FRK: variants seen among roughly 807,000 people sequenced by gnomAD.
FRK encodes tyrosine-protein kinase FRK.
FRK carries 51 observed loss-of-function variants against 56.4 expected under a neutral mutation model. The ratio of observed to expected loss-of-function variants is 0.90; its 90% CI spans 0.72 to 1.14. The LOEUF is 1.14. FRK is among the 50% of genes most tolerant of loss of function. The pLI, the probability that FRK is intolerant of heterozygous loss-of-function variation, is 0.00. For synonymous variants in FRK, 245 were observed against 217.9 expected, an observed-to-expected ratio of 1.12 and a Z score of -1.10; for missense variants, 570 against 601.4, an observed-to-expected ratio of 0.95 and a Z score of 0.55.
chr6:116,033,438 A>C (rs1246631356), intron 1 of FRK, among the ~76,000 whole-genome samples: 1 of 152,136 alleles, frequency 6.6e-6, no homozygotes, highest in South Asian at 2.1e-4. Flanking sequence ...CTATGAGACC[A>C]GTTCTTCAGC....
chr6:115,959,775 C>T (rs1773251050), intron 4 of FRK, among the ~76,000 whole-genome samples: 1 of 152,190 alleles, frequency 6.6e-6, no homozygotes, highest in South Asian at 2.1e-4. Context: ...ATTCCCACTT[C>T]CAGATGAGAA....
intron 1 of FRK, among the ~76,000 whole-genome samples, chr6:116,018,059 G>A (rs1775717356): frequency 6.6e-6 from 1 of 152,188 alleles, no homozygotes; most frequent in Non-Finnish European, 1.5e-5. Flanking sequence ...CCTTTCTGCT[G>A]AAGAGGGAAT....
chr6:116,031,894 T>G (rs1448796315), intron 1 of FRK, among the ~76,000 whole-genome samples: 1 of 152,126 alleles, frequency 6.6e-6, no homozygotes, highest in Non-Finnish European at 1.5e-5. Flanking sequence ...TGTCCCAAAC[T>G]CTCAGATATT....
In FRK at chr6:115,967,442, A is replaced by G. The variant is rs1038124382; in HGVS notation, c.799+109T>C. Reference sequence around the variant, plus strand: ...CTGGGCTAGAGACAATGACCACAACACCTGCTTGCTGCCAGTATTAGCCAC... The same window carrying G: ...CTGGGCTAGAGACAATGACCACAACGCCTGCTTGCTGCCAGTATTAGCCAC... On this transcript the variant is annotated intron_variant, in intron 4 of 7. Transcript: ENST00000606080. 9.6e-6 allele frequency: 10 copies of G among 1,046,410 alleles called. No individual in the cohort carries two copies. The African/African-American group carries it at 1.6e-4, about 16-fold the overall frequency. The allele number at this position is 1,046,410 out of a possible 1,614,324, so 64.8% of individuals were successfully genotyped here.
chr6:115,945,037 G>A (rs1772366816), intron 5 of FRK, among the ~76,000 whole-genome samples: 1 of 152,072 alleles, frequency 6.6e-6, no homozygotes, highest in African/African-American at 2.4e-5. Flanking sequence ...TGCTGCAAAG[G>A]ACATGATTTC....
chr6:116,014,901 G>T (rs1448657587), intron 1 of FRK, among the ~76,000 whole-genome samples: 1 of 152,162 alleles, frequency 6.6e-6, no homozygotes, highest in Non-Finnish European at 1.5e-5. Context: ...AGGATCTACA[G>T]GCAAAGGTGT....
At chr6:116,075,086 C>T in the FRK span, among the ~76,000 whole-genome samples, 1 of 152,108 alleles carries the variant, frequency 6.6e-6, no homozygotes, top group Non-Finnish European at 1.5e-5. Context: ...CCCTCTGATT[C>T]TCTTTTTCCC....
intron 5 of FRK, among the ~76,000 whole-genome samples, chr6:115,949,101 A>T (rs574561626): frequency 2.6e-5 from 4 of 152,220 alleles, no homozygotes; most frequent in African/African-American, 4.8e-5. Flanking sequence ...TTATTGGTGT[A>T]TAGGAATGCT....
intron 1 of FRK, among the ~76,000 whole-genome samples, chr6:116,057,866 G>A (rs1175799085): frequency 6.6e-6 from 1 of 152,180 alleles, no homozygotes; most frequent in African/African-American, 2.4e-5. Flanking sequence ...CTGCTCTCAA[G>A]CCTTTTACCC....
At chr6:115,967,405 G>T in intron 4 of FRK, 146 bp downstream of exon 4, 1 of 636,910 alleles carries the variant, frequency 1.6e-6, no homozygotes, top group Non-Finnish European at 2.7e-6. Context: ...CTTATCCATA[G>T]GTTGGGGTCA....
At chr6:115,994,325 C>CG (rs1774747174) in intron 2 of FRK, among the ~76,000 whole-genome samples, 1 of 24,798 alleles carries the variant, frequency 4.0e-5, no homozygotes, top group Non-Finnish European at 9.5e-5. Context: ...CTCACAACCT[C>CG]CCCCCCCCCC....
chr6:116,019,616 C>T (rs1017830822), intron 1 of FRK, among the ~76,000 whole-genome samples: 1 of 152,162 alleles, frequency 6.6e-6, no homozygotes. Flanking sequence ...GCAAGTGCTT[C>T]AAAATCCCCA....
chr6:115,968,784 C>G, intron 2 of FRK, 45 bp from the exon 3 acceptor site: 1 of 1,545,224 alleles, frequency 6.5e-7, no homozygotes, highest in South Asian at 1.2e-5. Context: ...TTGCTAAAAC[C>G]AAGCAGATTT....
chr6:116,088,731 C>A, the FRK span, among the ~76,000 whole-genome samples: 1 of 152,178 alleles, frequency 6.6e-6, no homozygotes, highest in Non-Finnish European at 1.5e-5. Context: ...CAATGTCTGA[C>A]AAATTCAATA....
At chr6:116,002,780 G>A (rs1392843574) in intron 2 of FRK, 3 of 445,888 alleles carry the variant, frequency 6.7e-6, no homozygotes, top group Admixed American at 2.4e-5. Flanking sequence ...CCTGAAGTAC[G>A]GACCCTCGGC....
At chr6:115,945,912 G>A (rs1200486600) in intron 5 of FRK, among the ~76,000 whole-genome samples, 1 of 151,728 alleles carries the variant, frequency 6.6e-6, no homozygotes, top group Non-Finnish European at 1.5e-5. Context: ...AGTAGAGGGG[G>A]GTCAGCATTA....
At chr6:116,014,506 A>G (rs953267814) in intron 1 of FRK, among the ~76,000 whole-genome samples, 1 of 152,110 alleles carries the variant, frequency 6.6e-6, no homozygotes, top group African/African-American at 2.4e-5. Flanking sequence ...CAAGTGAAGA[A>G]ACCAAAAAGG....
chr6:116,081,953 A>G, the FRK span, among the ~76,000 whole-genome samples: 1 of 152,170 alleles, frequency 6.6e-6, no homozygotes, highest in Admixed American at 6.5e-5. Flanking sequence ...TAAATCAATA[A>G]CATGCTCTAT....
the FRK span, among the ~76,000 whole-genome samples, chr6:116,072,799 A>T: frequency 6.6e-6 from 1 of 152,152 alleles, no homozygotes; most frequent in Non-Finnish European, 1.5e-5. Context: ...ACCCATACTA[A>T]CTGATAACCT....
Sources: allele counts gnomAD v4.1 joint callset (sites outside exome capture counted in the v4.1 genomes callset), GRCh38; gene constraint gnomAD v4.1.1; transcripts MANE v1.5; gene names NCBI Gene and HGNC (gene_info 2026-07-23, HGNC 2026-07-21).